The following FARP1 variants were observed in gnomAD, a reference collection of about 807,000 sequenced individuals.
FARP1 encodes the protein FERM, ARHGEF and pleckstrin domain-containing protein 1.
In FARP1, 52 loss-of-function variants were observed where a neutral mutation model predicts 128.8. The observed-to-expected ratio is 0.40, with a 90% CI of 0.32 to 0.51. The LOEUF (loss-of-function observed/expected upper bound fraction) is 0.51, where lower values mean the gene tolerates loss of function less well. Ranked by LOEUF, FARP1 falls within the 20% of genes least tolerant of loss-of-function variation. The pLI, the probability that FARP1 is intolerant of heterozygous loss-of-function variation, is 0.45. For missense variants in FARP1, 1,333 were observed against 1,367.9 expected (o/e 0.97, Z 0.40); for synonymous variants, 580 against 551.8 (o/e 1.05, Z -0.72).
At chr13:98,238,901 G>A (rs982332037) in intron 2 of FARP1, among the ~76,000 whole-genome samples, 21 of 152,110 alleles carry the variant, frequency 1.4e-4, no homozygotes, top group Admixed American at 1.1e-3. Flanking sequence ...GGGTCTGTGC[G>A]CCAACCCCCA....
chr13:98,434,302 A>C (rs1316985293), intron 18 of FARP1: 2 of 152,184 alleles, frequency 1.3e-5, no homozygotes, highest in African/African-American at 4.8e-5. Context: ...GATGCCAAGT[A>C]AATGTTTATT....
At chr13:98,362,364 T>C (rs935611987) in intron 3 of FARP1, among the ~76,000 whole-genome samples, 1 of 152,204 alleles carries the variant, frequency 6.6e-6, no homozygotes, top group Non-Finnish European at 1.5e-5. Context: ...CCATTCATCC[T>C]CTTCCCCATG....
chr13:98,265,674 A>G (rs1044784081), intron 2 of FARP1, among the ~76,000 whole-genome samples: 1 of 152,150 alleles, frequency 6.6e-6, no homozygotes, highest in Admixed American at 6.5e-5. Flanking sequence ...AGACACACAC[A>G]CAATTAGGTG....
rs537148961 is a variant in FARP1 at position 98,240,291 on chromosome 13, G to C, written c.171+26878G>C. ...GATCTGAGGCCTTGGAGGGGTCAGCGAGTGCTGGCCTTGAAACTCAAGCTG... is the reference window on the plus strand; with the variant it reads ...GATCTGAGGCCTTGGAGGGGTCAGCCAGTGCTGGCCTTGAAACTCAAGCTG... On this transcript the variant is annotated intron_variant, in intron 2 of 26. Coordinates refer to ENST00000319562, the MANE Select transcript of FARP1 (RefSeq NM_005766.4). Among the ~76,000 whole-genome samples the C allele has an allele frequency of 3.3e-5, 5 of 152,172 alleles. No homozygotes were observed. In the East Asian group the frequency reaches 9.6e-4, roughly 29 times the overall value.
chr13:98,393,047 AT>A, intron 11 of FARP1, among the ~76,000 whole-genome samples: 1 of 152,242 alleles, frequency 6.6e-6, no homozygotes, highest in East Asian at 1.9e-4. Context: ...GGACCTGAGC[AT>A]TTCAGTGCCT....
At chr13:98,308,474 T>C (rs547654033) in intron 2 of FARP1, among the ~76,000 whole-genome samples, 1 of 152,056 alleles carries the variant, frequency 6.6e-6, no homozygotes, top group African/African-American at 2.4e-5. Context: ...GAAGATGAGG[T>C]CAGAGGCTGG....
chr13:98,283,860 CAA>C (rs1885051795), intron 2 of FARP1, among the ~76,000 whole-genome samples: 1 of 152,084 alleles, frequency 6.6e-6, no homozygotes, highest in Admixed American at 6.5e-5. Flanking sequence ...CCAAAATGTT[CAA>C]AGTTAGAATT....
At chr13:98,362,157 G>C (rs1322393277) in intron 3 of FARP1, among the ~76,000 whole-genome samples, 4 of 152,116 alleles carry the variant, frequency 2.6e-5, no homozygotes, top group Non-Finnish European at 5.9e-5. Context: ...CCAGCTACCC[G>C]GGAAGCTGAG....
At chr13:98,221,540 C>G (rs1176580343) in intron 2 of FARP1, among the ~76,000 whole-genome samples, 1 of 152,222 alleles carries the variant, frequency 6.6e-6, no homozygotes, top group East Asian at 1.9e-4. Flanking sequence ...ACCTCCATTT[C>G]TGCCAAGCTC....
Position 98,176,845 on chromosome 13 carries a change from C to T in FARP1, c.-24+33353C>T. Reference sequence around the variant, plus strand: ...CCGCAGTGCCTCCTGGACCCGCTGGCTGCACTTGAGGATGGTCGGCGTATG... The same window carrying T: ...CCGCAGTGCCTCCTGGACCCGCTGGTTGCACTTGAGGATGGTCGGCGTATG... On this transcript the variant is annotated intron_variant, in intron 1 of 26. Transcript: ENST00000319562. This position sits in a 1 kb window ranked among gnomAD's most constrained non-coding sequence, Gnocchi z 6.2. 2 of 1,611,774 alleles carry T rather than the reference C, an allele frequency of 1.2e-6. No homozygotes were observed. The highest frequency in any genetic ancestry group is 1.7e-6 in the Non-Finnish European group (2 of 1,179,986).
chr13:98,446,030 G>A (rs1206771939), intron 24 of FARP1, 68 bp from the exon 25 acceptor site: 33 of 1,066,240 alleles, frequency 3.1e-5, no homozygotes, highest in Non-Finnish European at 4.8e-5. Flanking sequence ...GGTGCAGGGA[G>A]AGCTGCTCTC....
intron 2 of FARP1, among the ~76,000 whole-genome samples, chr13:98,315,255 C>T (rs1340515421): frequency 6.6e-6 from 1 of 152,130 alleles, no homozygotes; most frequent in Non-Finnish European, 1.5e-5. Context: ...ACCACAGGCA[C>T]ATACCACCAT....
chr13:98,282,123 G>T (rs1884965034), intron 2 of FARP1, among the ~76,000 whole-genome samples: 1 of 152,012 alleles, frequency 6.6e-6, no homozygotes, highest in Admixed American at 6.6e-5. Flanking sequence ...TGGGCAAAAT[G>T]GTGAAACCCT....
In FARP1 at chr13:98,387,029, G is replaced by A. The variant is rs759686853; in HGVS notation, c.759+1215G>A. 9.2e-5 allele frequency among the ~76,000 whole-genome samples: 14 copies of A among 152,114 alleles called. 1 individual carries two copies. Among genetic ancestry groups the A allele is most frequent in the Admixed American group, 3.9e-4 (6 of 15,272 alleles). On this transcript the variant is annotated intron_variant, in intron 8 of 26. Transcript: ENST00000319562. ...ATAAGAGAAACAATAGGCCGGGCGCGGTCGCTCACACCTGTAATCCCAACA... is the reference window on the plus strand; with the variant it reads ...ATAAGAGAAACAATAGGCCGGGCGCAGTCGCTCACACCTGTAATCCCAACA...
At chr13:98,443,076 A>G (rs1458368687) in intron 24 of FARP1, among the ~76,000 whole-genome samples, 2 of 152,222 alleles carry the variant, frequency 1.3e-5, no homozygotes, top group Admixed American at 6.5e-5. Context: ...AGTCAGGGGC[A>G]CGCTGGCCCC....
chr13:98,255,134 G>A (rs746911262), intron 2 of FARP1, among the ~76,000 whole-genome samples: 6 of 152,138 alleles, frequency 3.9e-5, no homozygotes, highest in African/African-American at 7.2e-5. Flanking sequence ...CTTCAGATAA[G>A]CTCAATGAAT....
intron 18 of FARP1, 87 bp downstream of exon 18, chr13:98,431,367 C>T: frequency 3.3e-6 from 3 of 900,578 alleles, no homozygotes; most frequent in South Asian, 3.5e-5. Flanking sequence ...GGGAGGGGCT[C>T]CCCGGGGAGA....
intron 1 of FARP1, among the ~76,000 whole-genome samples, chr13:98,187,711 G>T (rs1476229800): frequency 6.6e-6 from 1 of 152,176 alleles, no homozygotes; most frequent in Non-Finnish European, 1.5e-5. Context: ...GAAGTTGCTG[G>T]ATTACCATAT....
chr13:98,391,997 C>T (rs745642233), intron 11 of FARP1, among the ~76,000 whole-genome samples: 5 of 152,178 alleles, frequency 3.3e-5, no homozygotes, highest in African/African-American at 4.8e-5. Flanking sequence ...TTAGAATTAA[C>T]GGCCATTAAC....
Sources: allele counts gnomAD v4.1 joint callset (sites outside exome capture counted in the v4.1 genomes callset), GRCh38; gene constraint gnomAD v4.1.1; non-coding constraint Gnocchi (gnomAD v3.1); transcripts MANE v1.5; gene names NCBI Gene and HGNC (gene_info 2026-07-23, HGNC 2026-07-21).